MINK1: variants seen among roughly 807,000 people sequenced by gnomAD.
MINK1 encodes misshapen-like kinase 1.
MINK1 carries 46 observed loss-of-function variants against 178.4 expected under a neutral mutation model. That is an observed-to-expected ratio of 0.26 (90% confidence interval 0.20 to 0.33). The LOEUF (loss-of-function observed/expected upper bound fraction) is 0.33. Ranked by LOEUF, MINK1 falls within the 10% of genes least tolerant of loss-of-function variation. The pLI is 1.00. For synonymous variants in MINK1, 797 were observed against 709.7 expected, an observed-to-expected ratio of 1.12 and a Z score of -1.96; for missense variants, 1,366 against 1,814.9, an observed-to-expected ratio of 0.75 and a Z score of 4.49.
chr17:4,895,308 G>T lies in MINK1; in HGVS notation c.3086-42G>T. On this transcript the variant is annotated intron_variant, in intron 25 of 31. Coordinates refer to ENST00000355280, the MANE Select transcript of MINK1 (RefSeq NM_153827.5). The surrounding 1 kb of genome is among the most constrained non-coding windows in gnomAD (Gnocchi z 4.3). The stretch of plus-strand genomic sequence containing the variant: ...CTCTTGTGCTCCTGGTTAGGTGAGG[G>T]CCTGGCTGAGCCTCTGACCTGCCCA... 2 of 1,605,360 alleles carry T rather than the reference G, an allele frequency of 1.2e-6. No individual in the cohort carries two copies. Among genetic ancestry groups the T allele is most frequent in the South Asian group, 1.1e-5 (1 of 90,114 alleles).
At chr17:4,870,967 T>C (rs1293227716) in intron 1 of MINK1, 3 of 208,754 alleles carry the variant, frequency 1.4e-5, no homozygotes, top group South Asian at 5.0e-5. Context: ...TTAGCAGTCA[T>C]TGCCCATCTT....
At chr17:4,876,499 A>G (rs932174578) in intron 1 of MINK1, among the ~76,000 whole-genome samples, 1 of 152,194 alleles carries the variant, frequency 6.6e-6, no homozygotes, top group Non-Finnish European at 1.5e-5. Context: ...CTGGTCTTCA[A>G]CACGCCCAAG....
chr17:4,854,839 G>A, intron 1 of MINK1: 1 of 467,202 alleles, frequency 2.1e-6, no homozygotes, highest in South Asian at 1.5e-5. Flanking sequence ...GTGAGAGGCA[G>A]GGTTAGCAGA....
intron 1 of MINK1, among the ~76,000 whole-genome samples, chr17:4,837,993 A>G (rs1465698054): frequency 6.6e-6 from 1 of 152,170 alleles, no homozygotes; most frequent in African/African-American, 2.4e-5. Context: ...AGTTCTGGGC[A>G]TGTATTTCTA....
intron 19 of MINK1, 85 bp downstream of exon 19, chr17:4,892,853 C>T: frequency 1.4e-6 from 2 of 1,406,606 alleles, no homozygotes; most frequent in South Asian, 2.6e-5. Flanking sequence ...TGGACTGGGG[C>T]ACCCACACGG....
chr17:4,834,227 T>C (rs1160128797), intron 1 of MINK1, among the ~76,000 whole-genome samples: 1 of 152,148 alleles, frequency 6.6e-6, no homozygotes, highest in African/African-American at 2.4e-5. Flanking sequence ...CTCTCCTGTT[T>C]CAAGTGCAGC....
chr17:4,873,965 G>A (rs1188737363), intron 1 of MINK1, among the ~76,000 whole-genome samples: 9 of 152,050 alleles, frequency 5.9e-5, no homozygotes, highest in Non-Finnish European at 1.0e-4. Flanking sequence ...TAGCTTGTGG[G>A]AGAGGACCGA....
chr17:4,890,475 G>T, intron 13 of MINK1, 42 bp from the exon 14 acceptor site: 1 of 1,550,960 alleles, frequency 6.4e-7, no homozygotes, highest in Non-Finnish European at 8.7e-7. Context: ...AACTCCCAGG[G>T]CCACACCCTG....
At chr17:4,892,105 C>T in intron 16 of MINK1, 44 bp from the exon 17 acceptor site, 3 of 1,478,826 alleles carry the variant, frequency 2.0e-6, no homozygotes, top group Non-Finnish European at 2.8e-6. Context: ...CTGAGAAGTG[C>T]CTGTCGCAGC....
rs1309379348 is a variant in MINK1 at position 4,894,260 on chromosome 17, C to G, written c.2757C>G (p.Pro919=). The change falls in exon 23 of 32, where the codon CCC becomes CCG. Residue 919 remains proline, a synonymous_variant. Transcript: ENST00000355280. This position sits in a 1 kb window ranked among gnomAD's most constrained non-coding sequence, Gnocchi z 4.1. The part of the protein sequence containing the change: ...LPDVVQPSHS[P]TENSKGQSPP... ...ACGTGGTCCAGCCCAGCCACTCACC[C>G]ACCGAGAACAGCAAAGGCCAAAGCC... 1.2e-6 allele frequency: 2 copies of G among 1,613,358 alleles called. No homozygotes were observed. The highest frequency in any genetic ancestry group is 1.1e-5 in the South Asian group (1 of 91,058).
In MINK1 at chr17:4,885,122, C is replaced by A. The variant is rs954511495; in HGVS notation, c.508+120C>A. 4 of 887,680 alleles carry A rather than the reference C, an allele frequency of 4.5e-6. No individual in the cohort carries two copies. Among genetic ancestry groups the A allele is most frequent in the Non-Finnish European group, 7.0e-6 (4 of 570,012 alleles). 55.0% of individuals were successfully genotyped at this position (887,680 alleles called of 1,614,324 possible). A position where few individuals can be genotyped will look rare whatever the true frequency, so the allele number is the denominator to read the frequency against. On this transcript the variant is annotated intron_variant, in intron 6 of 31. Coordinates refer to ENST00000355280, the MANE Select transcript of MINK1 (RefSeq NM_153827.5). This position sits in a 1 kb window ranked among gnomAD's most constrained non-coding sequence, Gnocchi z 5.0. ...CCCTTCCTACTGGGGAGGCTCACTC[C>A]CTCCCCTTTCCCCTCTCCCCCTGGA... is the stretch of plus-strand genomic sequence containing the variant.
intron 1 of MINK1, among the ~76,000 whole-genome samples, chr17:4,863,904 C>T (rs1000008448): frequency 3.3e-5 from 5 of 152,078 alleles, no homozygotes; most frequent in African/African-American, 1.2e-4. Context: ...ATTCTCCTGC[C>T]TCAGCCTCCC....
At chr17:4,877,867 G>A (rs559127145) in intron 1 of MINK1, among the ~76,000 whole-genome samples, 1 of 145,890 alleles carries the variant, frequency 6.9e-6, no homozygotes, top group East Asian at 2.0e-4. Flanking sequence ...CTGGAGTGCA[G>A]TGGCGCAATC....
At chr17:4,860,360 C>T (rs1478558502) in intron 1 of MINK1, among the ~76,000 whole-genome samples, 3 of 152,218 alleles carry the variant, frequency 2.0e-5, no homozygotes, top group Admixed American at 6.5e-5. Flanking sequence ...CTCTCCTTTT[C>T]CTGGCCCCAC....
At chr17:4,853,484 G>A (rs952152042) in intron 1 of MINK1, among the ~76,000 whole-genome samples, 3 of 150,310 alleles carry the variant, frequency 2.0e-5, no homozygotes, top group African/African-American at 7.4e-5. Context: ...GTTGGTGGGG[G>A]AGTGTGGTTG....
At chr17:4,876,510 T>G (rs2150971296) in intron 1 of MINK1, among the ~76,000 whole-genome samples, 2 of 152,316 alleles carry the variant, frequency 1.3e-5, no homozygotes, top group South Asian at 4.1e-4. Flanking sequence ...CACGCCCAAG[T>G]CGTCTTCCTT....
intron 1 of MINK1, among the ~76,000 whole-genome samples, chr17:4,846,699 C>T (rs945322766): frequency 1.3e-5 from 2 of 152,160 alleles, no homozygotes; most frequent in African/African-American, 4.8e-5. Context: ...GAGACAGGGT[C>T]GTGCTCTGTT....
intron 5 of MINK1, 148 bp downstream of exon 5, chr17:4,884,621 G>A (rs1968030367): frequency 1.5e-6 from 1 of 664,710 alleles, no homozygotes; most frequent in Non-Finnish European, 2.6e-6. Context: ...GTGGAAGCAG[G>A]GTCCACACCT....
At position 4,873,617 on chromosome 17, in the gene MINK1, C is replaced by CTTTTT. The variant is rs71367860; in HGVS notation, c.58-4685_58-4681dup. 5.0e-4 allele frequency among the ~76,000 whole-genome samples: 54 copies of CTTTTT among 108,044 alleles called. 5 individuals carry two copies. The highest frequency in any genetic ancestry group is 1.7e-3 in the East Asian group (7 of 4,204). The allele number at this position is 108,044 out of a possible 152,430, so 70.9% of individuals were successfully genotyped here. ...GGTCTTCGCCACTCTTTTTTCTTTTCTTTTTTTTTTTTTTTTTTTGAGAAG... is the reference window on the plus strand; with the variant it reads ...GGTCTTCGCCACTCTTTTTTCTTTTCTTTTTTTTTTTTTTTTTTTTTTTTGAGAAG... On this transcript the variant is annotated intron_variant, in intron 1 of 31. Coordinates refer to ENST00000355280, the MANE Select transcript of MINK1 (RefSeq NM_153827.5).
Sources: allele counts gnomAD v4.1 joint callset (sites outside exome capture counted in the v4.1 genomes callset), GRCh38; gene constraint gnomAD v4.1.1; non-coding constraint Gnocchi (gnomAD v3.1); transcripts MANE v1.5; gene names NCBI Gene and HGNC (gene_info 2026-07-23, HGNC 2026-07-21).